The following KCNK2 variants were observed in gnomAD, a reference collection of about 807,000 sequenced individuals.
KCNK2 encodes the protein potassium two pore domain channel subfamily K member 2.
A neutral mutation model predicts 40.5 loss-of-function variants in KCNK2; 21 were observed. The observed-to-expected ratio is 0.52, with a 90% CI of 0.37 to 0.75. The LOEUF (loss-of-function observed/expected upper bound fraction) is 0.75, where lower values mean the gene tolerates loss of function less well. Among genes scored for constraint, KCNK2 ranks in the 30% least tolerant of loss-of-function variants. The probability of loss-of-function intolerance (pLI) is 0.00; values close to 1 mark genes in which losing one functional copy is unlikely to be tolerated. For synonymous variants in KCNK2, 191 were observed against 202.2 expected, an observed-to-expected ratio of 0.94 and a Z score of 0.47; for missense variants, 399 against 531.6, an observed-to-expected ratio of 0.75 and a Z score of 2.45.
chr1:215,209,382 AATAT>A (rs57107621), intron 6 of KCNK2, among the ~76,000 whole-genome samples: 62 of 70,822 alleles, frequency 8.8e-4, no homozygotes, highest in African/African-American at 3.8e-3. Flanking sequence ...TTATATATAA[AATAT>A]ATATATTATA....
intron 6 of KCNK2, among the ~76,000 whole-genome samples, chr1:215,209,414 T>TAA (rs1558140015): frequency 1.6e-4 from 4 of 25,344 alleles, no homozygotes; most frequent in African/African-American, 4.7e-4. Flanking sequence ...TATGCATATA[T>TAA]TATATATAAT....
intron 1 of KCNK2, among the ~76,000 whole-genome samples, chr1:215,076,541 C>G (rs1347746559): frequency 5.9e-5 from 9 of 152,132 alleles, no homozygotes; most frequent in African/African-American, 2.2e-4. Flanking sequence ...ATGAACCTCT[C>G]TGGAGGGTTG....
chr1:215,137,753 A>C (rs892324778), intron 3 of KCNK2, among the ~76,000 whole-genome samples: 5 of 152,236 alleles, frequency 3.3e-5, no homozygotes, highest in African/African-American at 1.2e-4. Flanking sequence ...CAAAAGGATA[A>C]TGTATTTAAC....
intron 3 of KCNK2, among the ~76,000 whole-genome samples, chr1:215,164,323 A>G (rs1663344693): frequency 6.6e-6 from 1 of 151,838 alleles, no homozygotes; most frequent in Non-Finnish European, 1.5e-5. Flanking sequence ...CTTTTTTATT[A>G]GTCTAGCTAG....
At chr1:215,156,308 G>T (rs1391758311) in intron 3 of KCNK2, among the ~76,000 whole-genome samples, 1 of 152,188 alleles carries the variant, frequency 6.6e-6, no homozygotes, top group Non-Finnish European at 1.5e-5. Context: ...CCTCCTGTTA[G>T]ATGATCCCCT....
At chr1:215,061,698 TAG>T (rs1473260136) in intron 1 of KCNK2, among the ~76,000 whole-genome samples, 2 of 152,142 alleles carry the variant, frequency 1.3e-5, no homozygotes, top group Non-Finnish European at 2.9e-5. Context: ...AAAAATATTT[TAG>T]AGTTAATTTT....
At chr1:215,030,599 A>T (rs2102485206) in intron 1 of KCNK2, among the ~76,000 whole-genome samples, 1 of 151,652 alleles carries the variant, frequency 6.6e-6, no homozygotes, top group East Asian at 1.9e-4. Context: ...TAGCGGTGTG[A>T]TCATGGATCA....
At chr1:215,012,859 G>A (rs534412644) in intron 1 of KCNK2, among the ~76,000 whole-genome samples, 1 of 151,868 alleles carries the variant, frequency 6.6e-6, no homozygotes, top group Non-Finnish European at 1.5e-5. Context: ...CTTTTATGGA[G>A]AAAAAGATTT....
At chr1:215,181,697 A>G (rs1212012761) in intron 5 of KCNK2, among the ~76,000 whole-genome samples, 1 of 152,152 alleles carries the variant, frequency 6.6e-6, no homozygotes, top group Admixed American at 6.6e-5. Flanking sequence ...TATGCTGTCA[A>G]CTTATAAGCC....
chr1:215,089,563 G>A (rs976412035), intron 2 of KCNK2, among the ~76,000 whole-genome samples: 13 of 152,234 alleles, frequency 8.5e-5, no homozygotes, highest in Admixed American at 2.0e-4. Flanking sequence ...GGTTGGGGAG[G>A]TGAGGGAAGA....
intron 1 of KCNK2, among the ~76,000 whole-genome samples, chr1:215,044,072 GAGTCAA>G (rs1187541182): frequency 3.3e-5 from 5 of 152,138 alleles, no homozygotes; most frequent in Admixed American, 2.0e-4. Flanking sequence ...AAATTTTGCT[GAGTCAA>G]AGAAGGACAC....
At chr1:215,036,896 CTTA>C (rs1657404092) in intron 1 of KCNK2, among the ~76,000 whole-genome samples, 1 of 151,302 alleles carries the variant, frequency 6.6e-6, no homozygotes, top group African/African-American at 2.4e-5. Context: ...GATAAATTCA[CTTA>C]TTTGTTCTAA....
At chr1:215,085,440 T>C (rs1282804476) in intron 1 of KCNK2, among the ~76,000 whole-genome samples, 1 of 152,204 alleles carries the variant, frequency 6.6e-6, no homozygotes, top group Non-Finnish European at 1.5e-5. Context: ...AATGATATTT[T>C]TGAACAGCTG....
chr1:215,229,126 T>C (rs1666513736), intron 6 of KCNK2, among the ~76,000 whole-genome samples: 1 of 152,082 alleles, frequency 6.6e-6, no homozygotes, highest in Non-Finnish European at 1.5e-5. Flanking sequence ...CCTAAGACAA[T>C]TCTTTTTTTT....
At chr1:215,068,276 C>G (rs780533512) in intron 1 of KCNK2, among the ~76,000 whole-genome samples, 2 of 152,060 alleles carry the variant, frequency 1.3e-5, no homozygotes, top group African/African-American at 2.4e-5. Flanking sequence ...GGGCCACTGT[C>G]ACCAGATAAG....
Position 215,236,088 on chromosome 1 carries a change from C to CTATCTATCTATCTATA in KCNK2, c.*953_*954insTCTATATATCTATCTA, listed in dbSNP as rs1666878329. The CTATCTATCTATCTATA allele has an allele frequency of 6.6e-6, 1 of 151,668 alleles. No homozygotes were observed. The highest frequency in any genetic ancestry group is 1.5e-5 in the Non-Finnish European group (1 of 67,968). The allele number at this position is 151,668 out of a possible 1,614,324, so 9.4% of individuals were successfully genotyped here. ...TCTATCTATCTATCTATCTATCTAT[C>CTATCTATCTATCTATA]TATCTATCTAAATGACCTGACAGAA... is the stretch of plus-strand genomic sequence containing the variant. On this transcript the variant is annotated 3_prime_UTR_variant, in exon 7 of 7. Transcript: ENST00000444842.
chr1:215,065,657 T>G (rs186278021), intron 1 of KCNK2, among the ~76,000 whole-genome samples: 1 of 152,318 alleles, frequency 6.6e-6, no homozygotes, highest in Admixed American at 6.5e-5. Flanking sequence ...TTCATGTAAT[T>G]AACTACCAAG....
At chr1:215,181,825 T>G (rs1468150329) in intron 5 of KCNK2, among the ~76,000 whole-genome samples, 1 of 152,234 alleles carries the variant, frequency 6.6e-6, no homozygotes, top group Non-Finnish European at 1.5e-5. Context: ...ATTTTTGGAT[T>G]GCTCAGTGTT....
Position 215,236,056 on chromosome 1 carries a change from CTATCT to C in KCNK2, c.*912_*916del, listed in dbSNP as rs199512783. ...AGGCAGAAGAAGAAAATCTATCTAT[CTATCT>C]ATCTATCTATCTATCTATCTATCTA... On this transcript the variant is annotated 3_prime_UTR_variant, in exon 7 of 7. Coordinates refer to ENST00000444842, the MANE Select transcript of KCNK2 (RefSeq NM_001017425.3). 4.3e-4 allele frequency: 17 copies of C among 39,310 alleles called. 1 individual carries two copies. Among genetic ancestry groups the C allele is most frequent in the African/African-American group, 6.8e-4 (9 of 13,160 alleles). 2.4% of individuals were successfully genotyped at this position (39,310 alleles called of 1,614,324 possible). A position where few individuals can be genotyped will look rare whatever the true frequency, so the allele number is the denominator to read the frequency against.
Sources: gnomAD v4.1 joint callset for allele counts (sites outside exome capture counted in the v4.1 genomes callset) on GRCh38, gnomAD v4.1.1 for gene constraint, MANE v1.5 for transcripts, NCBI Gene and HGNC (gene_info 2026-07-23, HGNC 2026-07-21) for gene names.